Variants in GALNT13 observed in about 807,000 individuals in gnomAD.
The protein encoded by GALNT13 is polypeptide N-acetylgalactosaminyltransferase 13.
GALNT13 carries 28 observed loss-of-function variants against 64.2 expected under a neutral mutation model. That is an observed-to-expected ratio of 0.44 (90% CI 0.32 to 0.60). GALNT13 has a LOEUF of 0.60. Ranked by LOEUF, GALNT13 falls within the 20% of genes least tolerant of loss-of-function variation. GALNT13 has a pLI of 0.05. For synonymous variants in GALNT13, 214 were observed against 224.6 expected (o/e 0.95, Z 0.42); for missense variants, 577 against 669.8 (o/e 0.86, Z 1.53).
At chr2:154,221,263 A>G (rs1226767657) in intron 4 of GALNT13, among the ~76,000 whole-genome samples, 1 of 151,824 alleles carries the variant, frequency 6.6e-6, no homozygotes, top group African/African-American at 2.4e-5. Flanking sequence ...AATTATTAAT[A>G]GAAATAGTAA....
the GALNT13 span, among the ~76,000 whole-genome samples, chr2:153,082,608 TATATATATATACACACACAC>T: frequency 2.1e-3 from 96 of 44,916 alleles, no homozygotes; most frequent in Admixed American, 4.3e-3. Context: ...TATATATATA[TATATATATATACACACACAC>T]ACACACACAC....
the GALNT13 span, among the ~76,000 whole-genome samples, chr2:153,618,909 G>A: frequency 6.6e-6 from 1 of 151,888 alleles, no homozygotes; most frequent in African/African-American, 2.4e-5. Flanking sequence ...TCTGTGGTGT[G>A]TCTTTATAGG....
the GALNT13 span, among the ~76,000 whole-genome samples, chr2:153,734,132 G>T: frequency 6.6e-6 from 1 of 152,050 alleles, no homozygotes; most frequent in Admixed American, 6.6e-5. Context: ...AAGTTTTCTG[G>T]CTTCTGGTGG....
At chr2:154,126,651 AAAAC>A (rs1479176020) in intron 3 of GALNT13, among the ~76,000 whole-genome samples, 2 of 151,932 alleles carry the variant, frequency 1.3e-5, no homozygotes, top group East Asian at 3.9e-4. Flanking sequence ...ACAAAAAAAA[AAAAC>A]AAAAAAAAGA....
At chr2:153,646,907 A>G in the GALNT13 span, among the ~76,000 whole-genome samples, 1 of 152,150 alleles carries the variant, frequency 6.6e-6, no homozygotes, top group Non-Finnish European at 1.5e-5. Flanking sequence ...TATTGTGAGT[A>G]GTGCCGCAAT....
chr2:153,668,464 A>G, the GALNT13 span, among the ~76,000 whole-genome samples: 1 of 152,210 alleles, frequency 6.6e-6, no homozygotes, highest in African/African-American at 2.4e-5. Flanking sequence ...TCTCAACATG[A>G]GAGGCAAGAT....
the GALNT13 span, among the ~76,000 whole-genome samples, chr2:153,402,138 C>G: frequency 2.9e-5 from 4 of 137,248 alleles, no homozygotes; most frequent in East Asian, 2.0e-4. Context: ...GACAAAATCT[C>G]TCAGCAATTG....
At chr2:154,015,657 A>G (rs1208992591) in intron 3 of GALNT13, among the ~76,000 whole-genome samples, 1 of 152,202 alleles carries the variant, frequency 6.6e-6, no homozygotes, top group Admixed American at 6.5e-5. Flanking sequence ...CTTTAATTAT[A>G]CTATGTTTGG....
the GALNT13 span, among the ~76,000 whole-genome samples, chr2:153,258,648 G>GGT: frequency 4.6e-5 from 7 of 151,344 alleles, no homozygotes; most frequent in African/African-American, 1.7e-4. Flanking sequence ...GATTTAATAT[G>GGT]TTTTTTTTCC....
At chr2:153,566,348 G>GTTTTT in the GALNT13 span, among the ~76,000 whole-genome samples, 15 of 74,792 alleles carry the variant, frequency 2.0e-4, no homozygotes, top group African/African-American at 5.1e-4. Context: ...TTCTAATCAC[G>GTTTTT]TTTTTTTTTT....
chr2:153,889,095 C>T (rs2105262526), intron 1 of GALNT13, among the ~76,000 whole-genome samples: 1 of 148,080 alleles, frequency 6.8e-6, no homozygotes, highest in South Asian at 2.1e-4. Context: ...CAAAGCGCTC[C>T]TATGGAAAGT....
the GALNT13 span, among the ~76,000 whole-genome samples, chr2:153,127,605 T>C: frequency 9.2e-5 from 14 of 152,218 alleles, no homozygotes; most frequent in Non-Finnish European, 1.8e-4. Context: ...TTTTGATTCA[T>C]CTTTTTACTT....
At chr2:153,465,281 G>A in the GALNT13 span, among the ~76,000 whole-genome samples, 1 of 151,988 alleles carries the variant, frequency 6.6e-6, no homozygotes, top group Non-Finnish European at 1.5e-5. Context: ...AGTTTCAAGA[G>A]CACAGTAGCA....
At chr2:153,314,242 G>A in the GALNT13 span, among the ~76,000 whole-genome samples, 5 of 152,070 alleles carry the variant, frequency 3.3e-5, no homozygotes, top group Non-Finnish European at 7.4e-5. Context: ...CCTGGTCTGA[G>A]GACAGGTTAA....
At chr2:154,181,638 TC>T (rs1050181249) in intron 4 of GALNT13, among the ~76,000 whole-genome samples, 3 of 152,080 alleles carry the variant, frequency 2.0e-5, no homozygotes, top group Non-Finnish European at 2.9e-5. Context: ...CTTTTTCTGT[TC>T]ACAGTAAATA....
At chr2:154,240,048 A>G (rs1283845825) in intron 4 of GALNT13, among the ~76,000 whole-genome samples, 2 of 152,212 alleles carry the variant, frequency 1.3e-5, no homozygotes, top group Non-Finnish European at 2.9e-5. Flanking sequence ...GCTCTTCAGA[A>G]TATTTTACAT....
the GALNT13 span, among the ~76,000 whole-genome samples, chr2:153,764,063 A>G: frequency 6.6e-6 from 1 of 152,222 alleles, no homozygotes; most frequent in Non-Finnish European, 1.5e-5. Context: ...AATGAAGTCC[A>G]GGCTGAGGTG....
At chr2:153,160,867 T>G in the GALNT13 span, among the ~76,000 whole-genome samples, 1 of 152,294 alleles carries the variant, frequency 6.6e-6, no homozygotes, top group Non-Finnish European at 1.5e-5. Context: ...TAGATTCACC[T>G]CCAGGGTCTT....
the GALNT13 span, among the ~76,000 whole-genome samples, chr2:153,807,400 T>A: frequency 6.6e-5 from 10 of 152,162 alleles, no homozygotes; most frequent in African/African-American, 2.4e-4. Flanking sequence ...TTCTATTAGA[T>A]AACTACCTTT....
Sources: gnomAD v4.1 joint callset for allele counts (sites outside exome capture counted in the v4.1 genomes callset) on GRCh38, gnomAD v4.1.1 for gene constraint, MANE v1.5 for transcripts, NCBI Gene and HGNC (gene_info 2026-07-23, HGNC 2026-07-21) for gene names.